Variants in PTPRM observed in about 807,000 individuals in gnomAD.
PTPRM encodes the protein protein tyrosine phosphatase receptor type M.
PTPRM carries 47 observed loss-of-function variants against 186.7 expected under a neutral mutation model. The ratio of observed to expected loss-of-function variants is 0.25; its 90% CI spans 0.20 to 0.32. PTPRM has a LOEUF of 0.32. Ranked by LOEUF, PTPRM falls within the 10% of genes least tolerant of loss-of-function variation. The pLI is 1.00. For missense variants in PTPRM, 1,494 were observed against 1,865.0 expected (o/e 0.80, Z 3.66); for synonymous variants, 668 against 674.9 (o/e 0.99, Z 0.16).
At chr18:7,791,716 A>T (rs1438240010) in intron 2 of PTPRM, among the ~76,000 whole-genome samples, 1 of 152,234 alleles carries the variant, frequency 6.6e-6, no homozygotes, top group Non-Finnish European at 1.5e-5. Flanking sequence ...ATTACTTAAT[A>T]AAATGGTCCT....
At chr18:7,694,144 T>A (rs2039792293) in intron 1 of PTPRM, among the ~76,000 whole-genome samples, 1 of 152,204 alleles carries the variant, frequency 6.6e-6, no homozygotes, top group Admixed American at 6.5e-5. Context: ...CCAGGCCTAA[T>A]GACATCTCTG....
intron 1 of PTPRM, among the ~76,000 whole-genome samples, chr18:7,609,344 G>C (rs2037614903): frequency 6.6e-6 from 1 of 152,142 alleles, no homozygotes; most frequent in African/African-American, 2.4e-5. Flanking sequence ...TGCATAGGGG[G>C]ACAGCAGCAT....
intron 2 of PTPRM, among the ~76,000 whole-genome samples, chr18:7,811,262 A>G (rs2044497970): frequency 6.6e-6 from 1 of 152,192 alleles, no homozygotes; most frequent in Admixed American, 6.5e-5. Flanking sequence ...TATTTCTGTG[A>G]TATCCTGTCC....
chr18:8,289,350 G>A (rs180895845), intron 19 of PTPRM, among the ~76,000 whole-genome samples: 32 of 149,912 alleles, frequency 2.1e-4, no homozygotes, highest in African/African-American at 7.9e-4. Flanking sequence ...CTAAAGCTCA[G>A]TCAGACATCA....
chr18:8,117,587 A>G (rs1204969559), intron 13 of PTPRM, among the ~76,000 whole-genome samples: 2 of 152,316 alleles, frequency 1.3e-5, no homozygotes, highest in Middle Eastern at 3.4e-3. Flanking sequence ...AAACTTCATA[A>G]AAGTTAGACA....
At chr18:8,376,014 T>C (rs763211903) in intron 24 of PTPRM, 32 bp from the exon 25 acceptor site, 7 of 1,586,500 alleles carry the variant, frequency 4.4e-6, no homozygotes, top group Non-Finnish European at 6.0e-6. Context: ...TCCCTTGTTC[T>C]CTTCCTTGTT....
chr18:7,728,754 G>T (rs1177438398), intron 1 of PTPRM, among the ~76,000 whole-genome samples: 1 of 152,176 alleles, frequency 6.6e-6, no homozygotes, highest in Non-Finnish European at 1.5e-5. Flanking sequence ...TCTGCCTCCT[G>T]CCTCTATCAG....
At chr18:7,908,235 T>A (rs942717120) in intron 4 of PTPRM, among the ~76,000 whole-genome samples, 6 of 152,192 alleles carry the variant, frequency 3.9e-5, no homozygotes, top group African/African-American at 1.4e-4. Context: ...TGTTCAAAAT[T>A]GATATCACCA....
intron 1 of PTPRM, among the ~76,000 whole-genome samples, chr18:7,617,552 T>G (rs979345849): frequency 3.9e-5 from 6 of 152,170 alleles, no homozygotes; most frequent in African/African-American, 1.4e-4. Context: ...TGTCTTCTTA[T>G]TTTTGGGAAA....
At chr18:7,671,759 A>T (rs1254850699) in intron 1 of PTPRM, among the ~76,000 whole-genome samples, 1 of 152,232 alleles carries the variant, frequency 6.6e-6, no homozygotes, top group Non-Finnish European at 1.5e-5. Context: ...GAGTTTTTAA[A>T]TTAAAAAAAT....
chr18:7,686,657 A>G (rs1194740339), intron 1 of PTPRM, among the ~76,000 whole-genome samples: 1 of 152,044 alleles, frequency 6.6e-6, no homozygotes, highest in Non-Finnish European at 1.5e-5. Context: ...ATTTATTTGT[A>G]AGGTGAATAT....
chr18:8,398,882 GGC>G (rs2095857805), intron 32 of PTPRM, among the ~76,000 whole-genome samples: 1 of 152,106 alleles, frequency 6.6e-6, no homozygotes, highest in Non-Finnish European at 1.5e-5. Flanking sequence ...GTAGAGTAGT[GGC>G]TGCTGAGGGC....
intron 10 of PTPRM, among the ~76,000 whole-genome samples, chr18:8,086,953 A>G (rs889541058): frequency 3.9e-5 from 6 of 152,124 alleles, no homozygotes; most frequent in Non-Finnish European, 7.4e-5. Flanking sequence ...AGAAAGAGAA[A>G]ATAAGTCTTT....
chr18:8,171,792 A>T (rs564568940), intron 14 of PTPRM, among the ~76,000 whole-genome samples: 3 of 152,150 alleles, frequency 2.0e-5, no homozygotes, highest in African/African-American at 7.2e-5. Flanking sequence ...ATAAGTAAGA[A>T]ATGCAGTTAT....
At chr18:7,881,963 CT>C (rs2146289834) in intron 2 of PTPRM, among the ~76,000 whole-genome samples, 1 of 152,192 alleles carries the variant, frequency 6.6e-6, no homozygotes, top group East Asian at 1.9e-4. Flanking sequence ...GCAGATTTTT[CT>C]TTTTTTCATT....
At chr18:8,367,514 G>C (rs1276301646) in intron 23 of PTPRM, among the ~76,000 whole-genome samples, 1 of 152,274 alleles carries the variant, frequency 6.6e-6, no homozygotes, top group Non-Finnish European at 1.5e-5. Context: ...GGCGGCACCT[G>C]TTCCGCGGAA....
rs116904768 is a variant in PTPRM, at chr18:8,246,323, C to T, written c.2453-1522C>T. ...TTTAGAAATGAGACAAGGGGAAAAA[C>T]GAAATAGGAGAATTTAAAAATAAGC... is the stretch of plus-strand genomic sequence containing the variant. On this transcript the variant is annotated intron_variant, in intron 15 of 32. Transcript: ENST00000580170. Among the ~76,000 whole-genome samples the T allele has an allele frequency of 2.7e-3, 415 of 152,052 alleles. 6 individuals are homozygous for T. The East Asian group carries it at 0.03, about 11-fold the overall frequency.
intron 22 of PTPRM, among the ~76,000 whole-genome samples, chr18:8,334,992 G>A (rs905154450): frequency 4.6e-5 from 7 of 152,158 alleles, no homozygotes; most frequent in African/African-American, 9.7e-5. Flanking sequence ...CGTAGAGTCC[G>A]TTCCAACAAC....
At chr18:8,284,083 C>G (rs947396981) in intron 19 of PTPRM, among the ~76,000 whole-genome samples, 1 of 152,178 alleles carries the variant, frequency 6.6e-6, no homozygotes, top group African/African-American at 2.4e-5. Flanking sequence ...AAACAACAGT[C>G]TAGCTATTGT....
Sources: allele counts gnomAD v4.1 joint callset (sites outside exome capture counted in the v4.1 genomes callset), GRCh38; gene constraint gnomAD v4.1.1; transcripts MANE v1.5; gene names NCBI Gene and HGNC (gene_info 2026-07-23, HGNC 2026-07-21).